The following CEP170 variants were observed in gnomAD, a reference collection of about 807,000 sequenced individuals.
CEP170 encodes centrosomal protein 170.
A neutral mutation model predicts 151.9 loss-of-function variants in CEP170; 21 were observed. The ratio of observed to expected loss-of-function variants is 0.14; its 90% CI spans 0.10 to 0.20. The LOEUF (loss-of-function observed/expected upper bound fraction) is 0.20, where lower values mean the gene tolerates loss of function less well. Among genes scored for constraint, CEP170 ranks in the 10% least tolerant of loss-of-function variants. CEP170 has a pLI of 1.00. For missense variants in CEP170, 964 were observed against 1,892.9 expected (o/e 0.51, Z 9.11); for synonymous variants, 356 against 648.8 (o/e 0.55, Z 6.86).
Position 243,136,134 on chromosome 1 carries a change from T to A in CEP170, c.4319+9A>T, listed in dbSNP as rs12047774. ...GTGATATTAAAGTTAAAGCTATATGTACATGTACCTGATCTTTCCAGCTGT... is the reference window on the plus strand; with the variant it reads ...GTGATATTAAAGTTAAAGCTATATGAACATGTACCTGATCTTTCCAGCTGT... On this transcript the variant is annotated intron_variant, in intron 17 of 19. Coordinates refer to ENST00000366542, the MANE Select transcript of CEP170 (RefSeq NM_014812.3). 0.099 allele frequency: 143,889 copies of A among 1,450,766 alleles called. 2,232 individuals are homozygous for A. The highest frequency in any genetic ancestry group is 0.11 in the Non-Finnish European group (116,001 of 1,077,734). The allele number at this position is 1,450,766 out of a possible 1,614,324, so 89.9% of individuals were successfully genotyped here. A position where few individuals can be genotyped will look rare whatever the true frequency, so the allele number is the denominator to read the frequency against.
At chr1:243,183,928 A>G (rs1045968509) in intron 10 of CEP170, among the ~76,000 whole-genome samples, 2 of 152,154 alleles carry the variant, frequency 1.3e-5, no homozygotes, top group African/African-American at 4.8e-5. Context: ...TCTATCCAGC[A>G]GTTTCCTGAA....
chr1:243,220,113 T>A (rs1466261484), intron 3 of CEP170, among the ~76,000 whole-genome samples: 1 of 152,228 alleles, frequency 6.6e-6, no homozygotes, highest in Non-Finnish European at 1.5e-5. Flanking sequence ...CAGGTTAAAA[T>A]TCCTAAGTAA....
In CEP170 at chr1:243,169,779, A is replaced by G. The variant is rs767881709; in HGVS notation, c.1717-25T>C. ...CCTAAAGGAGAAAAATAAGAAAACA[A>G]AATCATGCAGCCTGGTCATATCTGA... On this transcript the variant is annotated intron_variant, in intron 11 of 19. Transcript: ENST00000366542. The G allele has an allele frequency of 6.3e-6, 10 of 1,595,608 alleles. No homozygotes were observed. The South Asian group carries it at 1.1e-4, about 18-fold the overall frequency.
chr1:243,221,183 C>T (rs1462923223), intron 3 of CEP170, among the ~76,000 whole-genome samples: 1 of 152,156 alleles, frequency 6.6e-6, no homozygotes, highest in African/African-American at 2.4e-5. Context: ...CGCCACCACA[C>T]CCGGCTAATT....
chr1:243,228,992 G>A (rs1426121450), intron 1 of CEP170, among the ~76,000 whole-genome samples: 4 of 152,210 alleles, frequency 2.6e-5, no homozygotes, highest in Admixed American at 6.5e-5. Flanking sequence ...TCTGCTGAGT[G>A]GGAATGTGAT....
At position 243,177,713 on chromosome 1, in the gene CEP170, A is replaced by T. The variant is rs1422371408; in HGVS notation, c.1567-4867T>A. Among the ~76,000 whole-genome samples the T allele has an allele frequency of 5.9e-5, 9 of 152,360 alleles. No individual in the cohort carries two copies. The South Asian group carries it at 1.9e-3, about 32-fold the overall frequency. On this transcript the variant is annotated intron_variant, in intron 10 of 19. Transcript: ENST00000366542. The stretch of plus-strand genomic sequence containing the variant: ...ATTTATTTTTGTAATTGTCTATGAA[A>T]ATCTAATTTTACTTTTAAAAAGAAA...
chr1:243,228,872 T>C (rs1341050688), intron 1 of CEP170, among the ~76,000 whole-genome samples: 1 of 152,178 alleles, frequency 6.6e-6, no homozygotes, highest in Admixed American at 6.5e-5. Context: ...TTAATAAGAC[T>C]TAAAAGAATA....
intron 4 of CEP170, among the ~76,000 whole-genome samples, chr1:243,206,428 C>T (rs369615057): frequency 2.6e-5 from 4 of 152,314 alleles, no homozygotes; most frequent in East Asian, 1.9e-4. Flanking sequence ...CCACCATGCC[C>T]GGCCAATATT....
Position 243,137,119 on chromosome 1 carries a change from A to G in CEP170, c.4231-888T>C, listed in dbSNP as rs531793279. On this transcript the variant is annotated intron_variant, in intron 16 of 19. Coordinates refer to ENST00000366542, the MANE Select transcript of CEP170 (RefSeq NM_014812.3). Reference sequence around the variant, plus strand: ...GCCATAAATAATGAGCAAATTATGCATGTGGACATAGCCGTGTTGTAACAA... The same window carrying G: ...GCCATAAATAATGAGCAAATTATGCGTGTGGACATAGCCGTGTTGTAACAA... Among the ~76,000 whole-genome samples, 758 of 152,370 alleles carry G rather than the reference A, an allele frequency of 5.0e-3. 6 individuals are homozygous for G. The highest frequency in any genetic ancestry group is 8.7e-3 in the Non-Finnish European group (590 of 68,038).
chr1:243,184,755 G>A (rs2059834573), intron 10 of CEP170, among the ~76,000 whole-genome samples: 1 of 151,850 alleles, frequency 6.6e-6, no homozygotes, highest in African/African-American at 2.4e-5. Flanking sequence ...CCTCCCTGAA[G>A]AGGCCATTCC....
intron 10 of CEP170, among the ~76,000 whole-genome samples, chr1:243,180,534 C>T (rs1484119519): frequency 1.3e-5 from 2 of 152,208 alleles, no homozygotes; most frequent in African/African-American, 4.8e-5. Context: ...CTCCTATTGT[C>T]CAAGGCTCTC....
chr1:243,175,469 C>A (rs1406552114), intron 10 of CEP170, among the ~76,000 whole-genome samples: 1 of 152,200 alleles, frequency 6.6e-6, no homozygotes, highest in Non-Finnish European at 1.5e-5. Flanking sequence ...CATATCTATG[C>A]GTTTCTGCCT....
At chr1:243,143,629 C>CTA (rs2056140415) in intron 14 of CEP170, among the ~76,000 whole-genome samples, 2 of 150,892 alleles carry the variant, frequency 1.3e-5, no homozygotes, top group South Asian at 4.2e-4. Context: ...CTCGATGTGG[C>CTA]TATTTCCACA....
intron 1 of CEP170, among the ~76,000 whole-genome samples, chr1:243,232,890 G>A (rs2063882617): frequency 6.6e-6 from 1 of 152,096 alleles, no homozygotes; most frequent in South Asian, 2.1e-4. Context: ...TGTATCCCTT[G>A]AGCCTACCCC....
chr1:243,246,226 CTTTTTTT>C (rs774096892), intron 1 of CEP170, among the ~76,000 whole-genome samples: 11 of 109,470 alleles, frequency 1.0e-4, no homozygotes, highest in Non-Finnish European at 1.5e-4. Flanking sequence ...GTGTTGTTTA[CTTTTTTT>C]TTTTTTTTTT....
In CEP170 at chr1:243,253,883, A is replaced by G. The variant is rs1179113963; in HGVS notation, c.-42+1157T>C. Among the ~76,000 whole-genome samples the G allele has an allele frequency of 1.3e-5, 2 of 152,208 alleles. 1 individual carries two copies. The highest frequency in any genetic ancestry group is 2.9e-5 in the Non-Finnish European group (2 of 68,036). ...TCGCCAAATTCCTCCCAAATGGCTGAATTTTCATTAAGAGAATAAAAATGA... is the reference window on the plus strand; with the variant it reads ...TCGCCAAATTCCTCCCAAATGGCTGGATTTTCATTAAGAGAATAAAAATGA... On this transcript the variant is annotated intron_variant, in intron 1 of 19. Coordinates refer to ENST00000366542, the MANE Select transcript of CEP170 (RefSeq NM_014812.3).
intron 2 of CEP170, among the ~76,000 whole-genome samples, chr1:243,224,616 C>T (rs2063084862): frequency 6.6e-6 from 1 of 152,276 alleles, no homozygotes; most frequent in South Asian, 2.1e-4. Context: ...ATTCTTACCC[C>T]TATAGAGACC....
Position 243,164,796 on chromosome 1 carries a change from G to A in CEP170, c.3164C>T (p.Thr1055Ile), listed in dbSNP as rs769462577. Residue 1055 changes from threonine (T) to isoleucine (I), a missense_variant, in exon 13 of 20, where the codon ACT becomes ATT. By Grantham distance (89) the Thr-to-Ile change is moderately conservative. Transcript: ENST00000366542. ...ETYSCKPHGR[T>I]PLTSADEHVH... ...ATGCTCATCAGCTGAGGTAAGTGGA[G>A]TCCGTCCATGAGGTTTACAAGAGTA... 30 of 1,612,416 alleles carry A rather than the reference G, an allele frequency of 1.9e-5. No homozygotes were observed. Among genetic ancestry groups the A allele is most frequent in the Non-Finnish European group, 2.5e-5 (30 of 1,178,974 alleles).
chr1:243,129,300 T>C (rs1170736422), intron 18 of CEP170, 60 bp downstream of exon 18: 31 of 1,371,862 alleles, frequency 2.3e-5, no homozygotes, highest in Non-Finnish European at 2.9e-5. Flanking sequence ...AAAATAAGGG[T>C]CTTTTCCTTA....
Sources: gnomAD v4.1 joint callset for allele counts (sites outside exome capture counted in the v4.1 genomes callset) on GRCh38, gnomAD v4.1.1 for gene constraint, MANE v1.5 for transcripts, NCBI Gene and HGNC (gene_info 2026-07-23, HGNC 2026-07-21) for gene names.